GRM7: variants seen among roughly 807,000 people sequenced by gnomAD.
GRM7 encodes metabotropic glutamate receptor 7.
A neutral mutation model predicts 84.5 loss-of-function variants in GRM7; 35 were observed. That is an observed-to-expected ratio of 0.41 (90% CI 0.32 to 0.55). GRM7 has a LOEUF of 0.55. Ranked by LOEUF, GRM7 falls within the 20% of genes least tolerant of loss-of-function variation. GRM7 has a pLI of 0.19. For missense variants in GRM7, 1,003 were observed against 1,194.6 expected (o/e 0.84, Z 2.36); for synonymous variants, 487 against 455.1 (o/e 1.07, Z -0.89).
chr3:6,929,937 A>G (rs1454896151), intron 1 of GRM7, among the ~76,000 whole-genome samples: 1 of 152,078 alleles, frequency 6.6e-6, no homozygotes, highest in African/African-American at 2.4e-5. Flanking sequence ...CCTCATACAA[A>G]TTTTTACAAG....
chr3:7,565,269 C>T (rs983533228), intron 7 of GRM7, among the ~76,000 whole-genome samples: 4 of 152,130 alleles, frequency 2.6e-5, no homozygotes, highest in African/African-American at 9.7e-5. Context: ...TCCATTTAAT[C>T]CAGCAATTCA....
At chr3:7,490,958 TA>T (rs374843623) in intron 7 of GRM7, among the ~76,000 whole-genome samples, 2,229 of 152,064 alleles carry the variant, frequency 0.015, 27 homozygotes, top group African/African-American at 0.036. Flanking sequence ...TTGTATTATC[TA>T]AAATAGAAAA....
chr3:7,618,439 G>A lies in GRM7; in HGVS notation c.2451+39082G>A, dbSNP rs551214998. On this transcript the variant is annotated intron_variant, in intron 8 of 9. Coordinates refer to ENST00000357716, the MANE Select transcript of GRM7 (RefSeq NM_000844.4). ...AGCAATCAAAAATATGAGCTTAAATGCCAAAATGAACATTTAGTAAATGTG... is the reference window on the plus strand; with the variant it reads ...AGCAATCAAAAATATGAGCTTAAATACCAAAATGAACATTTAGTAAATGTG... Among the ~76,000 whole-genome samples the A allele has an allele frequency of 1.7e-4, 26 of 152,172 alleles. No individual in the cohort carries two copies. The South Asian group carries it at 5.4e-3, about 32-fold the overall frequency.
At chr3:7,471,087 A>C (rs1186133687) in intron 7 of GRM7, among the ~76,000 whole-genome samples, 2 of 151,864 alleles carry the variant, frequency 1.3e-5, no homozygotes, top group Non-Finnish European at 2.9e-5. Flanking sequence ...ATAAAGTCAA[A>C]TCAAGCAAAA....
At chr3:7,372,096 A>C (rs2125118895) in intron 4 of GRM7, among the ~76,000 whole-genome samples, 1 of 152,230 alleles carries the variant, frequency 6.6e-6, no homozygotes, top group South Asian at 2.1e-4. Context: ...CTATTGCTAC[A>C]TTCTAAGTTA....
At chr3:7,204,168 C>T (rs1696156917) in intron 2 of GRM7, among the ~76,000 whole-genome samples, 1 of 152,168 alleles carries the variant, frequency 6.6e-6, no homozygotes, top group Admixed American at 6.5e-5. Context: ...CTGGCCCTGT[C>T]CACCTGGGTC....
chr3:7,358,855 C>G (rs116785785), intron 4 of GRM7, among the ~76,000 whole-genome samples: 11,809 of 151,850 alleles, frequency 0.078, 483 homozygotes, highest in Non-Finnish European at 0.09. Flanking sequence ...CAGTGGCTCA[C>G]GCCTATAATC....
chr3:7,400,012 T>G (rs1301466630), intron 4 of GRM7, among the ~76,000 whole-genome samples: 2 of 152,180 alleles, frequency 1.3e-5, no homozygotes. Flanking sequence ...CATAAGTTAT[T>G]ACATGAAGGT....
At chr3:7,684,977 G>A (rs1700520056) in intron 9 of GRM7, among the ~76,000 whole-genome samples, 1 of 151,918 alleles carries the variant, frequency 6.6e-6, no homozygotes, top group African/African-American at 2.4e-5. Context: ...TGTCTAAGAA[G>A]AAGGGCACCT....
chr3:7,565,142 A>T (rs1446791794), intron 7 of GRM7, among the ~76,000 whole-genome samples: 2 of 152,224 alleles, frequency 1.3e-5, no homozygotes, highest in Non-Finnish European at 2.9e-5. Context: ...TGAGACTCAC[A>T]AAAGTAATTA....
intron 1 of GRM7, among the ~76,000 whole-genome samples, chr3:7,134,945 AC>A (rs2125056924): frequency 6.6e-6 from 1 of 152,344 alleles, no homozygotes; most frequent in South Asian, 2.1e-4. Flanking sequence ...CGATCCACAC[AC>A]AAAACTACTT....
At chr3:7,079,261 C>T (rs1443951683) in intron 1 of GRM7, among the ~76,000 whole-genome samples, 1 of 152,082 alleles carries the variant, frequency 6.6e-6, no homozygotes, top group Non-Finnish European at 1.5e-5. Context: ...AGTAAAGGAA[C>T]ACAGTCTAAC....
At chr3:7,029,543 G>C (rs77118072) in intron 1 of GRM7, among the ~76,000 whole-genome samples, 14,738 of 152,136 alleles carry the variant, frequency 0.097, 2,389 homozygotes, top group African/African-American at 0.33. Flanking sequence ...ATGAAATTCT[G>C]AGCCATGCTA....
chr3:7,261,053 T>A (rs1016322189), intron 2 of GRM7, among the ~76,000 whole-genome samples: 1 of 152,202 alleles, frequency 6.6e-6, no homozygotes, highest in African/African-American at 2.4e-5. Flanking sequence ...GGTCCCTTGG[T>A]GGCAGATGTT....
chr3:7,167,672 T>TA lies in GRM7; in HGVS notation c.736+21012dup, dbSNP rs36012895. Among the ~76,000 whole-genome samples the TA allele has an allele frequency of 4.7e-3, 708 of 151,742 alleles. 2 individuals carry two copies. The highest frequency in any genetic ancestry group is 8.8e-3 in the South Asian group (42 of 4,794). Reference sequence around the variant, plus strand: ...GACTCCAAAAGTCAGTTTGTCTCTTTAAAAAAAAGAATGCAGGCCGGGCAC... The same window carrying TA: ...GACTCCAAAAGTCAGTTTGTCTCTTTAAAAAAAAAGAATGCAGGCCGGGCAC... On this transcript the variant is annotated intron_variant, in intron 2 of 9. Transcript: ENST00000357716.
At chr3:7,600,319 A>T (rs754583679) in intron 8 of GRM7, among the ~76,000 whole-genome samples, 3 of 152,158 alleles carry the variant, frequency 2.0e-5, no homozygotes, top group Non-Finnish European at 4.4e-5. Flanking sequence ...GGAATAAATG[A>T]GACACACACC....
intron 4 of GRM7, among the ~76,000 whole-genome samples, chr3:7,392,516 A>C (rs34144088): frequency 0.32 from 47,996 of 152,142 alleles, 9,055 homozygotes; most frequent in Non-Finnish European, 0.43. Flanking sequence ...AAATGGTGCC[A>C]GCTGTGGGCT....
intron 8 of GRM7, among the ~76,000 whole-genome samples, chr3:7,631,785 C>T (rs1289667620): frequency 1.3e-5 from 2 of 151,994 alleles, no homozygotes; most frequent in Admixed American, 6.6e-5. Flanking sequence ...GCCAAATGTT[C>T]CCCAGGGTGA....
rs553114500 is a variant in GRM7 at position 7,698,618 on chromosome 3, G to A, written c.2698+18323G>A. 2.6e-5 allele frequency among the ~76,000 whole-genome samples: 4 copies of A among 152,266 alleles called. No individual in the cohort carries two copies. In the South Asian group the frequency reaches 6.2e-4, roughly 24 times the overall value. On this transcript the variant is annotated intron_variant, in intron 9 of 9. Coordinates refer to ENST00000357716, the MANE Select transcript of GRM7 (RefSeq NM_000844.4). ...GTTTTCCAGTACAGCTAAACCACAGGCCTTTTCAACCATGGCACTACTGAC... is the reference window on the plus strand; with the variant it reads ...GTTTTCCAGTACAGCTAAACCACAGACCTTTTCAACCATGGCACTACTGAC...
Sources: allele counts gnomAD v4.1 joint callset (sites outside exome capture counted in the v4.1 genomes callset), GRCh38; gene constraint gnomAD v4.1.1; transcripts MANE v1.5; gene names NCBI Gene and HGNC (gene_info 2026-07-23, HGNC 2026-07-21).